PMF1: variants seen among roughly 807,000 people sequenced by gnomAD.
PMF1 encodes the protein polyamine-modulated factor 1.
PMF1 carries 21 observed loss-of-function variants against 26.7 expected under a neutral mutation model. That is an observed-to-expected ratio of 0.79 (90% CI 0.56 to 1.13). The LOEUF (loss-of-function observed/expected upper bound fraction) is 1.13. Ranked by LOEUF, PMF1 falls within the 50% of genes most tolerant of loss-of-function variation. The pLI is 0.00. For missense variants in PMF1, 266 were observed against 254.9 expected (o/e 1.04, Z -0.30); for synonymous variants, 105 against 101.0 (o/e 1.04, Z -0.24).
At chr1:156,239,503 G>A (rs1340100242) in intron 4 of PMF1, 45 bp from the exon 5 acceptor site, 8 of 1,554,754 alleles carry the variant, frequency 5.1e-6, no homozygotes, top group Non-Finnish European at 7.1e-6. Flanking sequence ...AAGGATTTGG[G>A]TTTTCTTAGA....
At chr1:156,217,234 A>T (rs930181128) in intron 1 of PMF1, among the ~76,000 whole-genome samples, 2 of 61,462 alleles carry the variant, frequency 3.3e-5, no homozygotes, top group Non-Finnish European at 7.8e-5. Flanking sequence ...AAAGTATAAT[A>T]AAAAAAAAAA....
Position 156,221,938 on chromosome 1 carries a change from C to G in PMF1, c.161+8762C>G, listed in dbSNP as rs578075390. On this transcript the variant is annotated intron_variant, in intron 1 of 4. Coordinates refer to ENST00000368277, the MANE Select transcript of PMF1 (RefSeq NM_007221.4). ...CATCCTTGCTGACACTGTCTGAGTT[C>G]AGGCCCTGACTGTCTCTCACTGTGA... 6.6e-5 allele frequency among the ~76,000 whole-genome samples: 10 copies of G among 152,338 alleles called. No homozygotes were observed. The South Asian group carries it at 2.1e-3, about 32-fold the overall frequency.
chr1:156,225,470 T>C (rs1024776136), intron 1 of PMF1: 5 of 705,920 alleles, frequency 7.1e-6, no homozygotes, highest in Non-Finnish European at 1.2e-5. Flanking sequence ...TTCCCCACAG[T>C]TGGCAAAGTC....
chr1:156,228,369 T>C lies in PMF1; in HGVS notation c.162-3951T>C, dbSNP rs187945415. On this transcript the variant is annotated intron_variant, in intron 1 of 4. Transcript: ENST00000368277. ...CATTCAAAACATTCCCAATTCTGCA[T>C]TGGCTCTCAAGAAAGACATCACCTT... Among the ~76,000 whole-genome samples the C allele has an allele frequency of 3.3e-4, 49 of 149,794 alleles. 1 individual carries two copies. The highest frequency in any genetic ancestry group is 1.1e-3 in the African/African-American group (46 of 40,660).
rs149125661 is a variant in PMF1 at position 156,229,204 on chromosome 1, G to A, written c.162-3116G>A. ...AATACAGGCGTGAGCCACCGCGCCT[G>A]GCCTACTGTATTGTTTTTTAGGTAC... On this transcript the variant is annotated intron_variant, in intron 1 of 4. Transcript: ENST00000368277. Among the ~76,000 whole-genome samples the A allele has an allele frequency of 2.9e-3, 446 of 152,054 alleles. 2 individuals are homozygous for A. Among genetic ancestry groups the A allele is most frequent in the African/African-American group, 0.01 (427 of 41,464 alleles).
chr1:156,219,329 A>C (rs1394806380), intron 1 of PMF1, among the ~76,000 whole-genome samples: 1 of 152,146 alleles, frequency 6.6e-6, no homozygotes, highest in African/African-American at 2.4e-5. Flanking sequence ...TTAAATCTTT[A>C]ATCTGGCTGG....
chr1:156,219,840 C>T (rs1192510139), intron 1 of PMF1, among the ~76,000 whole-genome samples: 1 of 152,222 alleles, frequency 6.6e-6, no homozygotes, highest in Non-Finnish European at 1.5e-5. Flanking sequence ...ACCTCCGCCT[C>T]CCTGGCTTAG....
intron 1 of PMF1, among the ~76,000 whole-genome samples, chr1:156,230,892 G>A (rs1208963400): frequency 2.0e-5 from 3 of 151,012 alleles, no homozygotes; most frequent in Admixed American, 2.0e-4. Flanking sequence ...CAGTGAGACC[G>A]CGACTCTACA....
chr1:156,218,108 C>T (rs1457949439), intron 1 of PMF1, among the ~76,000 whole-genome samples: 1 of 152,204 alleles, frequency 6.6e-6, no homozygotes, highest in Non-Finnish European at 1.5e-5. Flanking sequence ...CTGTGTGTCC[C>T]TGATTCCTGG....
intron 1 of PMF1, among the ~76,000 whole-genome samples, chr1:156,214,996 G>T (rs1242273648): frequency 6.6e-6 from 1 of 151,560 alleles, no homozygotes. Flanking sequence ...TCCTCCCTCA[G>T]CCTCCCGAGT....
Position 156,213,114 on chromosome 1 carries a change from G to A in PMF1, c.99G>A (p.Ser33=), listed in dbSNP as rs1572471864. 2.5e-6 allele frequency: 4 copies of A among 1,614,234 alleles called. No individual in the cohort carries two copies. In the East Asian group the frequency reaches 6.7e-5, roughly 27 times the overall value. ...CTGTGCCACCCGGCACTACCATTTCGAGGGTGAAGCTCCTCGACACCATGG... is the reference window on the plus strand; with the variant it reads ...CTGTGCCACCCGGCACTACCATTTCAAGGGTGAAGCTCCTCGACACCATGG... ...SESVPPGTTI[S]RVKLLDTMVD... is the part of the protein sequence containing the mutation. The change falls in exon 1 of 5, where the codon TCG becomes TCA. Residue 33 remains serine (S), a synonymous_variant. Coordinates refer to ENST00000368277, the MANE Select transcript of PMF1 (RefSeq NM_007221.4).
chr1:156,221,476 T>C (rs1364118790), intron 1 of PMF1, among the ~76,000 whole-genome samples: 1 of 152,228 alleles, frequency 6.6e-6, no homozygotes, highest in East Asian at 1.9e-4. Context: ...GTTGTCTGCT[T>C]GTTTACTTAT....
At chr1:156,216,202 C>T (rs1657688639) in intron 1 of PMF1, among the ~76,000 whole-genome samples, 1 of 151,830 alleles carries the variant, frequency 6.6e-6, no homozygotes, top group South Asian at 2.1e-4. Flanking sequence ...ACCAGCCTGG[C>T]CAATGTAGCG....
Position 156,213,052 on chromosome 1 carries a change from T to A in PMF1, c.37T>A (p.Cys13Ser). ...AAGTAGCGCCAATCTAGGCAGCGGC[T>A]GTGAGGAAAAAAGGCATGAGGGGTC... ...EASSANLGSG[C>S]EEKRHEGSSS... The change falls in exon 1 of 5, where the codon TGT becomes AGT. Residue 13 changes from cysteine (C) to serine (S), a missense_variant. Physicochemically the swap from Cys to Ser is moderately radical, Grantham distance 112. Transcript: ENST00000368277. The A allele has an allele frequency of 1.2e-6, 2 of 1,614,164 alleles. No homozygotes were observed. The highest frequency in any genetic ancestry group is 1.7e-6 in the Non-Finnish European group (2 of 1,180,008).
Position 156,232,377 on chromosome 1 carries a change from A to G in PMF1, c.219A>G (p.Thr73=), listed in dbSNP as rs1162397211. Residue 73 remains threonine, a synonymous_variant, in exon 2 of 5, where the codon ACA becomes ACG. Coordinates refer to ENST00000368277, the MANE Select transcript of PMF1 (RefSeq NM_007221.4). ...KCFYQLQPAM[T]QQIYDKFIAQ... The stretch of plus-strand genomic sequence containing the variant: ...TCTACCAGTTGCAGCCTGCGATGAC[A>G]CAGCAAATCTATGACAAGTTTATAG... The G allele has an allele frequency of 5.6e-6, 9 of 1,614,072 alleles. No individual in the cohort carries two copies. The highest frequency in any genetic ancestry group is 7.6e-6 in the Non-Finnish European group (9 of 1,179,934).
chr1:156,237,580 G>A (rs1169036683), intron 4 of PMF1, among the ~76,000 whole-genome samples: 4 of 150,324 alleles, frequency 2.7e-5, no homozygotes, highest in Non-Finnish European at 5.9e-5. Flanking sequence ...CTGAGTAGCT[G>A]GGATTCCAGG....
chr1:156,236,236 C>T (rs1659001647), intron 3 of PMF1, 52 bp from the exon 4 acceptor site: 3 of 1,560,320 alleles, frequency 1.9e-6, no homozygotes, highest in Non-Finnish European at 2.6e-6. Flanking sequence ...GAACCTTCTT[C>T]CACAAGGGCC....
intron 1 of PMF1, among the ~76,000 whole-genome samples, chr1:156,219,670 C>T (rs1657973185): frequency 6.6e-6 from 1 of 152,074 alleles, no homozygotes; most frequent in African/African-American, 2.4e-5. Flanking sequence ...ATTGTAGTCT[C>T]AACCTCCTGG....
At chr1:156,230,872 C>T (rs1658658266) in intron 1 of PMF1, among the ~76,000 whole-genome samples, 1 of 149,508 alleles carries the variant, frequency 6.7e-6, no homozygotes, top group African/African-American at 2.5e-5. Flanking sequence ...TGAGACGAGT[C>T]TGGGCAATAC....
Sources: allele counts gnomAD v4.1 joint callset (sites outside exome capture counted in the v4.1 genomes callset), GRCh38; gene constraint gnomAD v4.1.1; transcripts MANE v1.5; gene names NCBI Gene and HGNC (gene_info 2026-07-23, HGNC 2026-07-21).